AMZ1: variants seen among roughly 807,000 people sequenced by gnomAD.
The protein encoded by AMZ1 is archaelysin family metallopeptidase 1.
AMZ1 carries 39 observed loss-of-function variants against 29.9 expected under a neutral mutation model. The observed-to-expected ratio is 1.30, with a 90% CI of 1.01 to 1.70. AMZ1 has a LOEUF of 1.70. AMZ1 is among the 40% of genes most tolerant of loss of function. AMZ1 has a pLI of 0.00. For synonymous variants in AMZ1, 458 were observed against 304.0 expected (o/e 1.51, Z -5.27); for missense variants, 1,041 against 680.6 (o/e 1.53, Z -5.89).
At chr7:2,745,065 G>A (rs1790700000) in intron 4 of AMZ1, among the ~76,000 whole-genome samples, 1 of 152,172 alleles carries the variant, frequency 6.6e-6, no homozygotes, top group Non-Finnish European at 1.5e-5. Flanking sequence ...AAAGTGACAG[G>A]GAGAATGGAA....
rs145197859 is a variant in AMZ1, at chr7:2,701,705, A to G, written c.304+950A>G. Among the ~76,000 whole-genome samples the G allele has an allele frequency of 6.0e-3, 914 of 152,310 alleles. 7 individuals carry two copies. Among genetic ancestry groups the G allele is most frequent in the Admixed American group, 1.0e-2 (153 of 15,310 alleles). On this transcript the variant is annotated intron_variant, in intron 2 of 6. Coordinates refer to ENST00000683327, the MANE Select transcript of AMZ1 (RefSeq NM_001384743.1). Reference sequence around the variant, plus strand: ...GCTGGTGTCCGCTTCTGACCAGCGCACCACGCCTTTCGGCATCTCGACAGC... The same window carrying G: ...GCTGGTGTCCGCTTCTGACCAGCGCGCCACGCCTTTCGGCATCTCGACAGC...
downstream of AMZ1, among the ~76,000 whole-genome samples, chr7:2,721,108 A>G (rs986337417): frequency 3.3e-5 from 5 of 152,152 alleles, no homozygotes; most frequent in African/African-American, 9.7e-5. Flanking sequence ...GACCGACTCT[A>G]TTGAAGACAC....
upstream of AMZ1, among the ~76,000 whole-genome samples, chr7:2,683,989 C>T (rs968652001): frequency 6.6e-6 from 1 of 151,830 alleles, no homozygotes; most frequent in Non-Finnish European, 1.5e-5. Flanking sequence ...ACCAGCCTGG[C>T]CAACACAGTG....
At chr7:2,704,336 G>C (rs1161194907) in intron 3 of AMZ1, among the ~76,000 whole-genome samples, 1 of 152,078 alleles carries the variant, frequency 6.6e-6, no homozygotes, top group Non-Finnish European at 1.5e-5. Context: ...GACCCTGTCT[G>C]TGCAAAAAAT....
chr7:2,753,374 C>T (rs1050812910), intron 4 of AMZ1, among the ~76,000 whole-genome samples: 2 of 128,678 alleles, frequency 1.6e-5, no homozygotes, highest in African/African-American at 5.7e-5. Context: ...TGGTCTTAAA[C>T]TACTGGGCTC....
intron 6 of AMZ1, among the ~76,000 whole-genome samples, chr7:2,711,342 G>C (rs965006265): frequency 6.6e-6 from 1 of 152,220 alleles, no homozygotes; most frequent in African/African-American, 2.4e-5. Flanking sequence ...TCAGTGAAAT[G>C]CCTCTTGAAG....
At chr7:2,704,588 CTTTTTT>C (rs60811216) in intron 3 of AMZ1, among the ~76,000 whole-genome samples, 79 of 83,862 alleles carry the variant, frequency 9.4e-4, no homozygotes, top group African/African-American at 5.2e-3. Context: ...CAGTGTCACG[CTTTTTT>C]TTTTTTTTTT....
At chr7:2,741,012 T>TCCTGCCTG (rs2115326759) in intron 4 of AMZ1, among the ~76,000 whole-genome samples, 1 of 152,228 alleles carries the variant, frequency 6.6e-6, no homozygotes, top group South Asian at 2.1e-4. Context: ...GCCACTGCAC[T>TCCTGCCTG]CCTGCCTGGG....
chr7:2,740,745 T>C (rs1210265038), intron 4 of AMZ1, among the ~76,000 whole-genome samples: 1 of 152,176 alleles, frequency 6.6e-6, no homozygotes, highest in East Asian at 1.9e-4. Context: ...GATTCAGCCC[T>C]TAAAACTACA....
At chr7:2,738,662 C>G (rs1231847785) in intron 4 of AMZ1, among the ~76,000 whole-genome samples, 1 of 151,884 alleles carries the variant, frequency 6.6e-6, no homozygotes, top group Non-Finnish European at 1.5e-5. Context: ...AGGAGTAGCC[C>G]TCTCTGAGTA....
At position 2,712,383 on chromosome 7, in the gene AMZ1, G is replaced by A. The variant is rs149183728; in HGVS notation, c.1002G>A (p.Ala334=). The A allele has an allele frequency of 2.3e-4, 371 of 1,608,192 alleles. 2 individuals are homozygous for A. Among genetic ancestry groups the A allele is most frequent in the East Asian group, 1.2e-3 (54 of 44,838 alleles). Residue 334 remains alanine, a synonymous_variant, in exon 7 of 7, where the codon GCG becomes GCA. Transcript: ENST00000683327. ...TGGGGACGTGGCCCAGCCAGGAGGCGGGGGAGCCGTCAGTGTGGGAGGACA... is the reference window on the plus strand; with the variant it reads ...TGGGGACGTGGCCCAGCCAGGAGGCAGGGGAGCCGTCAGTGTGGGAGGACA... The part of the protein sequence containing the change: ...AVVGTWPSQE[A]GEPSVWEDTP...
At chr7:2,755,956 G>A (rs1438128945) in intron 4 of AMZ1, among the ~76,000 whole-genome samples, 4 of 152,216 alleles carry the variant, frequency 2.6e-5, no homozygotes, top group African/African-American at 9.6e-5. Context: ...TTTTTTGGTA[G>A]AAATTGACAA....
intron 4 of AMZ1, among the ~76,000 whole-genome samples, chr7:2,746,812 T>C (rs1164687979): frequency 1.3e-5 from 2 of 151,436 alleles, no homozygotes; most frequent in African/African-American, 2.4e-5. Context: ...ATCAAATAGA[T>C]GCAATAAAAA....
chr7:2,753,057 T>C (rs1219556444), intron 4 of AMZ1, among the ~76,000 whole-genome samples: 1 of 152,214 alleles, frequency 6.6e-6, no homozygotes, highest in African/African-American at 2.4e-5. Flanking sequence ...ACGAATCTGA[T>C]TTCCATCTCT....
chr7:2,680,599 C>T (rs1786848117), intron 1 of AMZ1, among the ~76,000 whole-genome samples: 1 of 152,232 alleles, frequency 6.6e-6, no homozygotes, highest in African/African-American at 2.4e-5. Flanking sequence ...ACCCCCGACC[C>T]CAGCTCCGAC....
At chr7:2,707,029 C>G (rs1025205206) in intron 3 of AMZ1, among the ~76,000 whole-genome samples, 1 of 152,124 alleles carries the variant, frequency 6.6e-6, no homozygotes, top group Non-Finnish European at 1.5e-5. Context: ...AATCCCAGCA[C>G]TTTGGGAGAC....
At chr7:2,738,944 T>G (rs1202328047) in intron 4 of AMZ1, among the ~76,000 whole-genome samples, 3 of 152,092 alleles carry the variant, frequency 2.0e-5, no homozygotes, top group African/African-American at 4.8e-5. Context: ...GCTGTGCCTG[T>G]GGACACCTCG....
At chr7:2,711,284 T>C (rs10252130) in intron 6 of AMZ1, among the ~76,000 whole-genome samples, 86,448 of 152,030 alleles carry the variant, frequency 0.57, 26,493 homozygotes, top group African/African-American at 0.8. Context: ...GCTGGAGAGC[T>C]GACCAAGGGC....
At chr7:2,739,394 T>C (rs1790382826) in intron 4 of AMZ1, among the ~76,000 whole-genome samples, 2 of 152,202 alleles carry the variant, frequency 1.3e-5, no homozygotes, top group South Asian at 4.1e-4. Flanking sequence ...CAGCCCTTTG[T>C]GTCTGGTTCT....
Sources: allele counts gnomAD v4.1 joint callset (sites outside exome capture counted in the v4.1 genomes callset), GRCh38; gene constraint gnomAD v4.1.1; transcripts MANE v1.5; gene names NCBI Gene and HGNC (gene_info 2026-07-23, HGNC 2026-07-21).